PRR16: variants seen among roughly 807,000 people sequenced by gnomAD.
The protein encoded by PRR16 is proline rich 16.
Under a neutral mutation model 18.2 loss-of-function variants are expected in PRR16, and 6 were observed. That is an observed-to-expected ratio of 0.33 (90% CI 0.18 to 0.65). The LOEUF is 0.65. PRR16 is among the 30% of genes least tolerant of loss of function. PRR16 has a pLI of 0.74. For missense variants in PRR16, 412 were observed against 376.6 expected (o/e 1.09, Z -0.78); for synonymous variants, 151 against 147.8 (o/e 1.02, Z -0.16).
intron 1 of PRR16, among the ~76,000 whole-genome samples, chr5:120,673,792 A>G (rs532633030): frequency 6.6e-6 from 1 of 152,090 alleles, no homozygotes; most frequent in East Asian, 1.9e-4. Flanking sequence ...TAAAAAATAA[A>G]AAACAAAAAA....
intron 1 of PRR16, among the ~76,000 whole-genome samples, chr5:120,552,222 C>T (rs2124162): frequency 0.16 from 23,872 of 151,762 alleles, 2,963 homozygotes; most frequent in East Asian, 0.68. Flanking sequence ...TTTATTGACA[C>T]GGTTAAAAAG....
intron 1 of PRR16, among the ~76,000 whole-genome samples, chr5:120,608,448 G>A (rs1029742449): frequency 2.0e-5 from 3 of 152,150 alleles, no homozygotes; most frequent in African/African-American, 7.2e-5. Flanking sequence ...AGAGGCAGAA[G>A]TGAATAATGC....
In PRR16 at chr5:120,470,082, A is replaced by G. The variant is rs1411749979; in HGVS notation, c.159+5437A>G. 2.0e-5 allele frequency among the ~76,000 whole-genome samples: 3 copies of G among 152,162 alleles called. No homozygotes were observed. The East Asian group carries it at 5.8e-4, about 29-fold the overall frequency. ...TCTAAATGTAGGAAAAAAGATAGAAATGCAAGTTTGAGCAAAACATATTTT... is the reference window on the plus strand; with the variant it reads ...TCTAAATGTAGGAAAAAAGATAGAAGTGCAAGTTTGAGCAAAACATATTTT... On this transcript the variant is annotated intron_variant, in intron 1 of 1. Transcript: ENST00000407149.
At chr5:120,583,676 A>G (rs912785668) in intron 1 of PRR16, among the ~76,000 whole-genome samples, 4 of 152,122 alleles carry the variant, frequency 2.6e-5, no homozygotes, top group Non-Finnish European at 4.4e-5. Context: ...GTTGGCTGAC[A>G]CAAGGACACC....
chr5:120,576,254 A>G (rs770876908), intron 1 of PRR16, among the ~76,000 whole-genome samples: 3 of 152,174 alleles, frequency 2.0e-5, no homozygotes, highest in Admixed American at 6.6e-5. Context: ...TAAACTCTAC[A>G]TCTGGTAAAG....
intron 1 of PRR16, among the ~76,000 whole-genome samples, chr5:120,623,518 G>A (rs1754756675): frequency 1.3e-5 from 2 of 152,020 alleles, no homozygotes; most frequent in South Asian, 4.1e-4. Flanking sequence ...TGCAAAATGA[G>A]GATTAATTGG....
At chr5:120,651,155 G>A (rs572631996) in intron 1 of PRR16, among the ~76,000 whole-genome samples, 1,721 of 152,034 alleles carry the variant, frequency 0.011, 24 homozygotes, top group African/African-American at 0.039. Context: ...CATATCCTTC[G>A]CCCACTTTTT....
chr5:120,744,680 T>C, the PRR16 span, among the ~76,000 whole-genome samples: 1 of 152,352 alleles, frequency 6.6e-6, no homozygotes, highest in South Asian at 2.1e-4. Flanking sequence ...GACTCACTTA[T>C]AACATGGACA....
the PRR16 span, among the ~76,000 whole-genome samples, chr5:120,702,600 G>C: frequency 1.3e-5 from 2 of 152,160 alleles, no homozygotes; most frequent in Non-Finnish European, 2.9e-5. Flanking sequence ...AGAGGTGTCC[G>C]TGAAATGATT....
At chr5:120,784,843 A>G in the PRR16 span, among the ~76,000 whole-genome samples, 1 of 152,186 alleles carries the variant, frequency 6.6e-6, no homozygotes, top group South Asian at 2.1e-4. Context: ...TTCTCTTAGA[A>G]TCACAAAACC....
the PRR16 span, among the ~76,000 whole-genome samples, chr5:120,732,826 G>T: frequency 9.1e-3 from 1,384 of 152,210 alleles, 13 homozygotes; most frequent in Middle Eastern, 0.027. Context: ...TGAAAATTTT[G>T]TGTATAAATG....
At chr5:120,518,780 A>G (rs1751078822) in intron 1 of PRR16, among the ~76,000 whole-genome samples, 1 of 152,128 alleles carries the variant, frequency 6.6e-6, no homozygotes, top group African/African-American at 2.4e-5. Context: ...AAATGCATGT[A>G]TGGAATGCAA....
chr5:120,526,555 A>T (rs533034085), intron 1 of PRR16, among the ~76,000 whole-genome samples: 1 of 152,144 alleles, frequency 6.6e-6, no homozygotes, highest in African/African-American at 2.4e-5. Flanking sequence ...TGTGTGTCCA[A>T]CCCTGGGTAC....
chr5:120,646,048 T>TTATATA (rs10606917), intron 1 of PRR16, among the ~76,000 whole-genome samples: 5,683 of 104,648 alleles, frequency 0.054, 228 homozygotes, highest in Admixed American at 0.064. Flanking sequence ...AATACATATT[T>TTATATA]TATATATATA....
chr5:120,602,597 T>G (rs554634796), intron 1 of PRR16, among the ~76,000 whole-genome samples: 2 of 152,096 alleles, frequency 1.3e-5, no homozygotes, highest in South Asian at 4.1e-4. Context: ...CCTTCCTGTA[T>G]TATGCTGAAT....
intron 1 of PRR16, among the ~76,000 whole-genome samples, chr5:120,635,852 C>T (rs1032177340): frequency 2.0e-5 from 3 of 152,022 alleles, no homozygotes; most frequent in Non-Finnish European, 2.9e-5. Flanking sequence ...GATGGTATGA[C>T]TGTATACCTA....
chr5:120,510,442 G>A (rs1288768619), intron 1 of PRR16, among the ~76,000 whole-genome samples: 1 of 152,086 alleles, frequency 6.6e-6, no homozygotes, highest in African/African-American at 2.4e-5. Flanking sequence ...TTACTGCCTG[G>A]CATGCTTATC....
the PRR16 span, among the ~76,000 whole-genome samples, chr5:120,740,127 A>G: frequency 6.6e-6 from 1 of 152,146 alleles, no homozygotes; most frequent in Non-Finnish European, 1.5e-5. Flanking sequence ...AATGCCATTG[A>G]ATACTTAAGG....
intron 1 of PRR16, among the ~76,000 whole-genome samples, chr5:120,527,951 G>A (rs1353612685): frequency 6.6e-6 from 1 of 152,160 alleles, no homozygotes; most frequent in African/African-American, 2.4e-5. Context: ...GAGGTGAAGG[G>A]AAATCCACAG....
Sources: gnomAD v4.1 joint callset for allele counts (sites outside exome capture counted in the v4.1 genomes callset) on GRCh38, gnomAD v4.1.1 for gene constraint, MANE v1.5 for transcripts, NCBI Gene and HGNC (gene_info 2026-07-23, HGNC 2026-07-21) for gene names.